The following SCRG1 variants were observed in gnomAD, a reference collection of about 807,000 sequenced individuals.
The protein encoded by SCRG1 is scrapie-responsive protein 1.
A neutral mutation model predicts 7.7 loss-of-function variants in SCRG1; 3 were observed. That is an observed-to-expected ratio of 0.39 (90% CI 0.18 to 1.01). SCRG1 has a LOEUF of 1.01. Ranked by LOEUF, SCRG1 falls within the 50% of genes least tolerant of loss-of-function variation. The pLI is 0.36. For synonymous variants in SCRG1, 46 were observed against 41.2 expected (o/e 1.12, Z -0.44); for missense variants, 110 against 117.2 (o/e 0.94, Z 0.28).
Position 173,388,052 on chromosome 4 carries a change from G to T in SCRG1, c.*289C>A, listed in dbSNP as rs533393749. 2 of 298,408 alleles carry T rather than the reference G, an allele frequency of 6.7e-6. No individual in the cohort carries two copies. Among genetic ancestry groups the T allele is most frequent in the South Asian group, 1.4e-4 (1 of 6,898 alleles). The allele number at this position is 298,408 out of a possible 1,614,324, so 18.5% of individuals were successfully genotyped here. A position where few individuals can be genotyped will look rare whatever the true frequency, so the allele number is the denominator to read the frequency against. On this transcript the variant is annotated 3_prime_UTR_variant, in exon 3 of 3. Coordinates refer to ENST00000296506, the MANE Select transcript of SCRG1 (RefSeq NM_007281.4). ...TTTCAATCCTTGAGCCATGCCTATG[G>T]CTCTTCATCTGGGGGACAGAACTCT...
chr4:173,505,921 C>A, the SCRG1 span, among the ~76,000 whole-genome samples: 26 of 152,190 alleles, frequency 1.7e-4, no homozygotes, highest in Non-Finnish European at 2.8e-4. This position sits in a 1 kb window ranked among gnomAD's most constrained non-coding sequence, Gnocchi z 4.4. Context: ...CGAAATAAAC[C>A]TCTGACAAGT....
At chr4:173,459,905 CA>C in the SCRG1 span, among the ~76,000 whole-genome samples, 78,385 of 151,598 alleles carry the variant, frequency 0.52, 22,167 homozygotes, top group East Asian at 0.66. Flanking sequence ...GTTTCCAACA[CA>C]AAAAAAAAAT....
chr4:173,475,118 G>T, the SCRG1 span, among the ~76,000 whole-genome samples: 1 of 151,854 alleles, frequency 6.6e-6, no homozygotes. Context: ...TCTGCTTATT[G>T]AACCAAGAAA....
chr4:173,484,654 A>T, the SCRG1 span, among the ~76,000 whole-genome samples: 3 of 97,078 alleles, frequency 3.1e-5, no homozygotes, highest in Non-Finnish European at 5.3e-5. Flanking sequence ...AATATATATT[A>T]TATATTATAT....
In SCRG1 at chr4:173,388,391, C is replaced by T. The variant is rs373155306; in HGVS notation, c.247G>A (p.Val83Ile). ...FSELLCCPKDVFFGPKISFVI... is the reference protein window; with the variant it reads ...FSELLCCPKDIFFGPKISFVI... ...AAAGAGATCTTTGGTCCAAAGAAAACGTCTCTGAAAGAAAATAGAGCATCA... is the reference window on the plus strand; with the variant it reads ...AAAGAGATCTTTGGTCCAAAGAAAATGTCTCTGAAAGAAAATAGAGCATCA... The change falls in exon 3 of 3, where the codon GTT becomes ATT. Residue 83 changes from valine (V) to isoleucine (I), a missense_variant. Val to Ile is a conservative substitution (Grantham distance 29, BLOSUM62 3). Coordinates refer to ENST00000296506, the MANE Select transcript of SCRG1 (RefSeq NM_007281.4). 1.1e-5 allele frequency: 17 copies of T among 1,608,920 alleles called. No homozygotes were observed. In the African/African-American group the frequency reaches 1.9e-4, roughly 18 times the overall value.
At chr4:173,449,216 T>C in the SCRG1 span, among the ~76,000 whole-genome samples, 2 of 152,184 alleles carry the variant, frequency 1.3e-5, no homozygotes, top group African/African-American at 4.8e-5. Context: ...GTTGCAGGCA[T>C]AAATAACTTG....
At chr4:173,464,590 A>G in the SCRG1 span, among the ~76,000 whole-genome samples, 2 of 152,210 alleles carry the variant, frequency 1.3e-5, no homozygotes, top group African/African-American at 2.4e-5. Context: ...CCAAAAAATA[A>G]CAAGTGTTGC....
At chr4:173,459,094 A>C in the SCRG1 span, among the ~76,000 whole-genome samples, 1 of 152,266 alleles carries the variant, frequency 6.6e-6, no homozygotes, top group African/African-American at 2.4e-5. Context: ...TGCACCCAAC[A>C]CAGGAACACC....
chr4:173,483,014 TATAA>T, the SCRG1 span, among the ~76,000 whole-genome samples: 21 of 130,354 alleles, frequency 1.6e-4, no homozygotes, highest in East Asian at 2.8e-3. Context: ...TAATATATTA[TATAA>T]TTTATATGTA....
chr4:173,447,819 A>G, the SCRG1 span, among the ~76,000 whole-genome samples: 6 of 152,302 alleles, frequency 3.9e-5, no homozygotes, highest in Non-Finnish European at 7.4e-5. Context: ...GAGGATAAGA[A>G]CTTTTGTAGT....
At chr4:173,422,127 A>G in the SCRG1 span, among the ~76,000 whole-genome samples, 1 of 152,218 alleles carries the variant, frequency 6.6e-6, no homozygotes, top group Non-Finnish European at 1.5e-5. Flanking sequence ...AGCAAAGATT[A>G]AGCTTGCCAA....
the SCRG1 span, among the ~76,000 whole-genome samples, chr4:173,417,583 T>TCTCCCTCC: frequency 6.6e-6 from 1 of 151,154 alleles, no homozygotes; most frequent in African/African-American, 2.5e-5. Flanking sequence ...TCATAACTAG[T>TCTCCCTCC]CTCCCTCCCT....
At chr4:173,397,865 G>A (rs372931938) in intron 1 of SCRG1, among the ~76,000 whole-genome samples, 20 of 152,164 alleles carry the variant, frequency 1.3e-4, no homozygotes, top group Admixed American at 5.9e-4. Flanking sequence ...AGACAGAAAA[G>A]ACAGTCCATT....
the SCRG1 span, among the ~76,000 whole-genome samples, chr4:173,433,961 T>A: frequency 1.3e-5 from 2 of 152,244 alleles, no homozygotes; most frequent in African/African-American, 4.8e-5. Context: ...TTCTTACTTA[T>A]CTCTGTTATC....
chr4:173,486,095 T>C, the SCRG1 span, among the ~76,000 whole-genome samples: 1 of 152,254 alleles, frequency 6.6e-6, no homozygotes, highest in Admixed American at 6.5e-5. Flanking sequence ...CCTAGAATTA[T>C]GTAACTGAAG....
chr4:173,439,376 A>G, the SCRG1 span, among the ~76,000 whole-genome samples: 3 of 152,010 alleles, frequency 2.0e-5, no homozygotes, highest in Admixed American at 1.3e-4. Context: ...ATTTTAAAAA[A>G]CTAGTCAATT....
intron 1 of SCRG1, 37 bp from the exon 2 acceptor site, chr4:173,391,465 G>GT: frequency 6.2e-7 from 1 of 1,603,294 alleles, no homozygotes; most frequent in South Asian, 1.1e-5. Context: ...GTCAATGTTT[G>GT]TTTTTTAAAG....
At chr4:173,474,477 T>C in the SCRG1 span, among the ~76,000 whole-genome samples, 60 of 152,268 alleles carry the variant, frequency 3.9e-4, 1 homozygote, top group South Asian at 0.012. Flanking sequence ...TTAAATGAAG[T>C]GGGAAAAAGA....
chr4:173,416,920 A>C, the SCRG1 span, among the ~76,000 whole-genome samples: 1 of 32,700 alleles, frequency 3.1e-5, no homozygotes, highest in Non-Finnish European at 7.8e-5. Context: ...AAACACACAC[A>C]CACACACACA....
Sources: gnomAD v4.1 joint callset for allele counts (sites outside exome capture counted in the v4.1 genomes callset) on GRCh38, gnomAD v4.1.1 for gene constraint, Gnocchi (gnomAD v3.1) non-coding constraint, MANE v1.5 for transcripts, NCBI Gene and HGNC (gene_info 2026-07-23, HGNC 2026-07-21) for gene names.